Variants in PRKG1 observed in about 807,000 individuals in gnomAD.
The protein encoded by PRKG1 is protein kinase cGMP-dependent 1, also known as cGMP-dependent protein kinase 1.
A neutral mutation model predicts 88.1 loss-of-function variants in PRKG1; 35 were observed. The observed-to-expected ratio is 0.40, with a 90% CI of 0.30 to 0.53. The LOEUF is 0.53. PRKG1 is among the 20% of genes least tolerant of loss of function. The pLI is 0.59. For synonymous variants in PRKG1, 303 were observed against 292.5 expected, an observed-to-expected ratio of 1.04 and a Z score of -0.37; for missense variants, 540 against 839.8, an observed-to-expected ratio of 0.64 and a Z score of 4.41.
chr10:52,004,989 G>A (rs1343237755), intron 5 of PRKG1, among the ~76,000 whole-genome samples: 3 of 152,102 alleles, frequency 2.0e-5, no homozygotes, highest in Non-Finnish European at 4.4e-5. Context: ...ATATGAGTTT[G>A]CCTAAATCCC....
At chr10:51,171,267 G>A (rs952752119) in intron 2 of PRKG1, among the ~76,000 whole-genome samples, 8 of 152,084 alleles carry the variant, frequency 5.3e-5, no homozygotes, top group Non-Finnish European at 1.0e-4. Flanking sequence ...CTAGGGTACA[G>A]TAATAATCGT....
At chr10:51,899,457 G>C (rs1841930708) in intron 4 of PRKG1, among the ~76,000 whole-genome samples, 1 of 151,472 alleles carries the variant, frequency 6.6e-6, no homozygotes, top group Non-Finnish European at 1.5e-5. Context: ...TTGAAGTCAG[G>C]AGTTCGAGAC....
At chr10:51,317,507 T>G (rs1005099407) in intron 2 of PRKG1, among the ~76,000 whole-genome samples, 4 of 152,172 alleles carry the variant, frequency 2.6e-5, no homozygotes, top group Admixed American at 2.0e-4. Flanking sequence ...TAAATGACAT[T>G]AAATACACAT....
chr10:52,125,546 C>G (rs1847912001), intron 7 of PRKG1, among the ~76,000 whole-genome samples: 1 of 152,158 alleles, frequency 6.6e-6, no homozygotes, highest in African/African-American at 2.4e-5. Context: ...ATACCAGAAA[C>G]AGATGATCAT....
chr10:51,139,362 G>T (rs937608416), intron 1 of PRKG1, among the ~76,000 whole-genome samples: 1 of 152,138 alleles, frequency 6.6e-6, no homozygotes. Flanking sequence ...AGTAATCATA[G>T]TAGAAAATAT....
chr10:52,234,147 A>G (rs1204489577), intron 9 of PRKG1, among the ~76,000 whole-genome samples: 1 of 152,170 alleles, frequency 6.6e-6, no homozygotes, highest in African/African-American at 2.4e-5. Flanking sequence ...GGACATCCAC[A>G]CCAAAAACCC....
chr10:52,098,443 A>T (rs946516829), intron 7 of PRKG1, among the ~76,000 whole-genome samples: 5 of 152,208 alleles, frequency 3.3e-5, no homozygotes, highest in Non-Finnish European at 7.3e-5. Context: ...TCTCTAATGT[A>T]TATTAAGCAC....
chr10:52,291,460 G>A (rs2132464893), intron 17 of PRKG1, among the ~76,000 whole-genome samples: 1 of 131,350 alleles, frequency 7.6e-6, no homozygotes, highest in South Asian at 2.3e-4. Context: ...CTGTGTTCAT[G>A]TGTTCTCATT....
At chr10:51,594,533 T>TGA (rs1838394949) in intron 3 of PRKG1, among the ~76,000 whole-genome samples, 1 of 152,256 alleles carries the variant, frequency 6.6e-6, no homozygotes, top group African/African-American at 2.4e-5. Flanking sequence ...ACATCATGTG[T>TGA]GAGCACTCCA....
chr10:51,605,035 A>G, intron 3 of PRKG1, among the ~76,000 whole-genome samples: 1 of 152,070 alleles, frequency 6.6e-6, no homozygotes, highest in East Asian at 1.9e-4. Flanking sequence ...ATGGATTGGG[A>G]GCCAGAAGAG....
intron 2 of PRKG1, among the ~76,000 whole-genome samples, chr10:51,254,347 A>G (rs1839502818): frequency 1.3e-5 from 2 of 151,898 alleles, no homozygotes; most frequent in East Asian, 3.9e-4. Flanking sequence ...TATTGTGAAA[A>G]TATTAGATTA....
intron 4 of PRKG1, among the ~76,000 whole-genome samples, chr10:51,890,283 T>G (rs1056773137): frequency 5.3e-5 from 8 of 152,232 alleles, no homozygotes; most frequent in Non-Finnish European, 1.5e-5. Flanking sequence ...TCCTAATTCC[T>G]CCTATTTCTA....
intron 5 of PRKG1, among the ~76,000 whole-genome samples, chr10:51,994,246 A>C (rs1014576314): frequency 2.0e-5 from 3 of 152,032 alleles, no homozygotes; most frequent in African/African-American, 7.2e-5. Flanking sequence ...ATTTGCATCA[A>C]CTTTTATGTT....
intron 3 of PRKG1, among the ~76,000 whole-genome samples, chr10:51,756,789 T>C (rs1837877797): frequency 6.6e-6 from 1 of 151,866 alleles, no homozygotes; most frequent in African/African-American, 2.4e-5. Context: ...CACTCCAGCC[T>C]GGGTGACAGT....
At chr10:52,070,516 T>A (rs1846469780) in intron 7 of PRKG1, among the ~76,000 whole-genome samples, 1 of 152,228 alleles carries the variant, frequency 6.6e-6, no homozygotes, top group South Asian at 2.1e-4. Context: ...CTTTTGAGAA[T>A]GCAGTTTTTT....
At chr10:51,145,939 C>T (rs10822294) in intron 1 of PRKG1, among the ~76,000 whole-genome samples, 67,249 of 151,610 alleles carry the variant, frequency 0.44, 15,007 homozygotes, top group African/African-American at 0.53. Context: ...GAGGCTGAGG[C>T]GGGTGGATCA....
chr10:52,168,652 AT>A (rs1215028914), intron 9 of PRKG1, among the ~76,000 whole-genome samples: 6 of 151,848 alleles, frequency 4.0e-5, no homozygotes, highest in Admixed American at 3.9e-4. Context: ...TAATCAAAAT[AT>A]TTTTCATGTT....
intron 10 of PRKG1, among the ~76,000 whole-genome samples, chr10:52,267,458 G>A (rs1344060059): frequency 6.6e-6 from 1 of 151,900 alleles, no homozygotes; most frequent in African/African-American, 2.4e-5. Flanking sequence ...TTTTCATGAT[G>A]AGAGTTTTAC....
At chr10:51,362,405 CTT>C (rs542332844) in intron 2 of PRKG1, among the ~76,000 whole-genome samples, 1 of 150,244 alleles carries the variant, frequency 6.7e-6, no homozygotes, top group Admixed American at 6.6e-5. Context: ...TGTGAGTCTT[CTT>C]TTTTTTTGGA....
Sources: allele counts gnomAD v4.1 joint callset (sites outside exome capture counted in the v4.1 genomes callset), GRCh38; gene constraint gnomAD v4.1.1; transcripts MANE v1.5; gene names NCBI Gene and HGNC (gene_info 2026-07-23, HGNC 2026-07-21).